The following FOXP2 variants were observed in gnomAD, a reference collection of about 807,000 sequenced individuals.
FOXP2 encodes the protein forkhead box protein P2.
Under a neutral mutation model 115.8 loss-of-function variants are expected in FOXP2, and 12 were observed. The observed-to-expected ratio is 0.10, with a 90% CI of 0.07 to 0.17. The LOEUF is 0.17. Ranked by LOEUF, FOXP2 falls within the 10% of genes least tolerant of loss-of-function variation. The pLI is 1.00. For missense variants in FOXP2, 629 were observed against 843.5 expected (o/e 0.75, Z 3.15); for synonymous variants, 328 against 297.7 (o/e 1.10, Z -1.05).
chr7:114,409,275 G>T (rs1001642439), upstream of FOXP2, among the ~76,000 whole-genome samples: 1 of 151,894 alleles, frequency 6.6e-6, no homozygotes, highest in Non-Finnish European at 1.5e-5. Flanking sequence ...ATGAGAAATC[G>T]TTAGTATAAA....
chr7:114,511,505 G>T (rs1298781037), intron 2 of FOXP2, among the ~76,000 whole-genome samples: 9 of 152,134 alleles, frequency 5.9e-5, no homozygotes, highest in African/African-American at 1.7e-4. Flanking sequence ...TTGGGGGAAG[G>T]AATAATTTCA....
At chr7:114,653,635 G>A (rs187326881) in intron 9 of FOXP2, among the ~76,000 whole-genome samples, 1 of 152,114 alleles carries the variant, frequency 6.6e-6, no homozygotes, top group Admixed American at 6.6e-5. Context: ...TCTAATTTAT[G>A]GTTTCAGTAA....
chr7:114,122,754 A>T lies in FOXP2; in HGVS notation c.-247+34916A>T, dbSNP rs1320149378. Among the ~76,000 whole-genome samples the T allele has an allele frequency of 2.0e-5, 3 of 152,106 alleles. No homozygotes were observed. The East Asian group carries it at 5.8e-4, about 29-fold the overall frequency. On this transcript the variant is annotated intron_variant, in intron 1 of 19. Transcript: ENST00000635638. ...AGCTGATGGATCAACATGAAAACTT[A>T]GTAGATCTAAGACCTTTTGTATGCT...
intron 2 of FOXP2, among the ~76,000 whole-genome samples, chr7:114,297,621 G>T (rs1351375674): frequency 6.6e-6 from 1 of 152,168 alleles, no homozygotes; most frequent in East Asian, 1.9e-4. Flanking sequence ...AGAAGTCCTT[G>T]ACACTTTTTT....
chr7:114,365,718 C>T lies in FOXP2; in HGVS notation c.-10-60784C>T, dbSNP rs77187628. Among the ~76,000 whole-genome samples the T allele has an allele frequency of 3.6e-4, 54 of 152,088 alleles. No homozygotes were observed. The East Asian group carries it at 9.3e-3, about 26-fold the overall frequency. On this transcript the variant is annotated intron_variant, in intron 2 of 17. Coordinates refer to the FOXP2 transcript ENST00000634411. ...TTTTACAATAAACTGTGGCGCAGTA[C>T]GATTGATAGCAACCGTAATGTAGAT... is the stretch of plus-strand genomic sequence containing the variant.
chr7:114,636,058 A>G (rs1414331391), intron 6 of FOXP2, among the ~76,000 whole-genome samples: 2 of 152,152 alleles, frequency 1.3e-5, no homozygotes, highest in Non-Finnish European at 2.9e-5. Context: ...CTCTCATTAG[A>G]CAAGCATTTT....
intron 16 of FOXP2, among the ~76,000 whole-genome samples, chr7:114,678,805 A>G (rs1807918586): frequency 1.3e-5 from 2 of 151,954 alleles, no homozygotes; most frequent in Admixed American, 6.6e-5. Flanking sequence ...CTAATATCCA[A>G]ACTTTCTGAG....
At chr7:114,654,288 T>C in intron 10 of FOXP2, 1 of 667,814 alleles carries the variant, frequency 1.5e-6, no homozygotes, top group East Asian at 4.1e-5. Context: ...AGAATTTCTT[T>C]CTGTGATAGG....
At chr7:114,343,918 C>G (rs947871436) in intron 2 of FOXP2, among the ~76,000 whole-genome samples, 1 of 151,580 alleles carries the variant, frequency 6.6e-6, no homozygotes, top group African/African-American at 2.4e-5. Flanking sequence ...TGTTTATTGT[C>G]TTCCTCACCC....
chr7:114,359,013 G>A (rs1199427545), intron 2 of FOXP2, among the ~76,000 whole-genome samples: 1 of 152,118 alleles, frequency 6.6e-6, no homozygotes, highest in Non-Finnish European at 1.5e-5. Context: ...TGAAGAAAAT[G>A]TCTTCAGGGC....
At chr7:114,263,843 A>G (rs1052905399) in intron 1 of FOXP2, among the ~76,000 whole-genome samples, 1 of 151,834 alleles carries the variant, frequency 6.6e-6, no homozygotes, top group African/African-American at 2.4e-5. Flanking sequence ...GCTGGCTTCT[A>G]GTTTGCATTC....
At chr7:114,688,005 C>T (rs1808452975) in intron 16 of FOXP2, among the ~76,000 whole-genome samples, 3 of 151,652 alleles carry the variant, frequency 2.0e-5, no homozygotes, top group Admixed American at 1.3e-4. Flanking sequence ...CATACATATA[C>T]ATAGACCAAT....
At chr7:114,500,516 A>G (rs976718923) in intron 2 of FOXP2, among the ~76,000 whole-genome samples, 14 of 152,132 alleles carry the variant, frequency 9.2e-5, no homozygotes, top group Admixed American at 3.3e-4. Context: ...TTTATATTTT[A>G]TATGTTATCT....
At position 114,133,653 on chromosome 7, in the gene FOXP2, T is replaced by C. The variant is rs566533624; in HGVS notation, c.-246-29291T>C. Among the ~76,000 whole-genome samples the C allele has an allele frequency of 7.2e-5, 11 of 152,288 alleles. No individual in the cohort carries two copies. The South Asian group carries it at 2.3e-3, about 32-fold the overall frequency. Reference sequence around the variant, plus strand: ...TTGGGTGTTGGGAGGTGGGATCTAGTGGGAAGTGTTTGTGTTATTGGGTTG... The same window carrying C: ...TTGGGTGTTGGGAGGTGGGATCTAGCGGGAAGTGTTTGTGTTATTGGGTTG... On this transcript the variant is annotated intron_variant, in intron 1 of 19. Transcript: ENST00000635638.
chr7:114,642,522 C>T lies in FOXP2; in HGVS notation c.888C>T (p.Ser296=), dbSNP rs1805590298. The T allele has an allele frequency of 6.2e-7, 1 of 1,613,678 alleles. No individual in the cohort carries two copies. Among genetic ancestry groups the T allele is most frequent in the African/African-American group, 1.3e-5 (1 of 74,808 alleles). ...HGGLDLTTNN[S]SSTTSSNTSK... is the part of the protein sequence containing the mutation. ...GGCTAGACCTCACTACTAACAATTCCTCCTCGACTACCTCCTCCAACACTT... is the reference window on the plus strand; with the variant it reads ...GGCTAGACCTCACTACTAACAATTCTTCCTCGACTACCTCCTCCAACACTT... The change falls in exon 7 of 17, where the codon TCC becomes TCT. Residue 296 remains serine, a synonymous_variant. Transcript: ENST00000350908.
At chr7:114,465,071 G>T (rs1795744616) in intron 2 of FOXP2, among the ~76,000 whole-genome samples, 1 of 152,078 alleles carries the variant, frequency 6.6e-6, no homozygotes, top group African/African-American at 2.4e-5. Context: ...GTTGATTTAG[G>T]TAAGCTATCA....
At chr7:114,280,171 AT>A (rs1254765009) in intron 1 of FOXP2, among the ~76,000 whole-genome samples, 9 of 151,926 alleles carry the variant, frequency 5.9e-5, no homozygotes, top group Non-Finnish European at 1.3e-4. Context: ...TTGCTGGTGT[AT>A]TTTTTGAGCC....
At chr7:114,341,141 G>A (rs573760864) in intron 2 of FOXP2, among the ~76,000 whole-genome samples, 12 of 151,214 alleles carry the variant, frequency 7.9e-5, no homozygotes, top group African/African-American at 2.7e-4. Flanking sequence ...TAAAATTGAT[G>A]TATCCTTTAT....
At chr7:114,593,777 C>T (rs1802556268) in intron 3 of FOXP2, among the ~76,000 whole-genome samples, 1 of 151,980 alleles carries the variant, frequency 6.6e-6, no homozygotes, top group East Asian at 1.9e-4. Context: ...AAGAACTTAA[C>T]TGTCAAATGT....
Sources: allele counts gnomAD v4.1 joint callset (sites outside exome capture counted in the v4.1 genomes callset), GRCh38; gene constraint gnomAD v4.1.1; transcripts MANE v1.5; gene names NCBI Gene and HGNC (gene_info 2026-07-23, HGNC 2026-07-21).